The following ANKS1B variants were observed in gnomAD, a reference collection of about 807,000 sequenced individuals.
The protein encoded by ANKS1B is ankyrin repeat and sterile alpha motif domain containing 1B.
In ANKS1B, 36 loss-of-function variants were observed where a neutral mutation model predicts 148.3. The observed-to-expected ratio is 0.24, with a 90% CI of 0.19 to 0.32. The LOEUF is 0.32. Among genes scored for constraint, ANKS1B ranks in the 10% least tolerant of loss-of-function variants. ANKS1B has a pLI of 1.00. For synonymous variants in ANKS1B, 542 were observed against 560.8 expected, an observed-to-expected ratio of 0.97 and a Z score of 0.47; for missense variants, 1,157 against 1,542.6, an observed-to-expected ratio of 0.75 and a Z score of 4.19.
intron 17 of ANKS1B, chr12:98,894,902 C>G: frequency 1.0e-6 from 1 of 960,518 alleles, no homozygotes; most frequent in Non-Finnish European, 1.2e-6. Flanking sequence ...CCCACTGCCC[C>G]CGCCCCCCGC....
intron 6 of ANKS1B, 116 bp downstream of exon 6, chr12:99,779,755 A>G (rs1243441774): frequency 1.4e-6 from 1 of 732,984 alleles, no homozygotes; most frequent in Non-Finnish European, 2.3e-6. Context: ...GAAAAAAATA[A>G]AACTAGTAAG....
chr12:98,914,562 C>T (rs547655043), intron 17 of ANKS1B, among the ~76,000 whole-genome samples: 1 of 152,198 alleles, frequency 6.6e-6, no homozygotes. Flanking sequence ...TTCCTTATTC[C>T]TATCCCTACC....
chr12:99,795,858 T>C (rs1394556248), intron 4 of ANKS1B, among the ~76,000 whole-genome samples: 1 of 152,088 alleles, frequency 6.6e-6, no homozygotes, highest in Non-Finnish European at 1.5e-5. Context: ...GCACTATAGC[T>C]GTAACTTCTG....
Position 99,246,744 on chromosome 12 carries a change from T to C in ANKS1B, c.1877A>G (p.Tyr626Cys), listed in dbSNP as rs747220515. ...CESPENPFHL[Y>C]GKREQCEKGQ... Reference sequence around the variant, plus strand: ...TTTTTCACATTGTTCTCTTTTCCCATAGAGATGAAATGGATTTTCAGGGGA... The same window carrying C: ...TTTTTCACATTGTTCTCTTTTCCCACAGAGATGAAATGGATTTTCAGGGGA... The change falls in exon 13 of 27, where the codon TAT becomes TGT. Residue 626 changes from tyrosine (Y) to cysteine (C), a missense_variant. Coordinates refer to ENST00000683438, the MANE Select transcript of ANKS1B (RefSeq NM_001352186.2). The C allele has an allele frequency of 1.3e-5, 21 of 1,613,782 alleles. No homozygotes were observed. Among genetic ancestry groups the C allele is most frequent in the South Asian group, 1.1e-4 (10 of 91,078 alleles).
chr12:99,534,365 T>A (rs143009916), intron 9 of ANKS1B, among the ~76,000 whole-genome samples: 86 of 152,368 alleles, frequency 5.6e-4, no homozygotes, highest in African/African-American at 1.9e-3. Context: ...GTGATAATCA[T>A]GTCATTTGCC....
At chr12:99,778,166 C>G (rs1038005978) in intron 6 of ANKS1B, among the ~76,000 whole-genome samples, 8 of 151,572 alleles carry the variant, frequency 5.3e-5, no homozygotes, top group African/African-American at 1.9e-4. Context: ...CGCCACTGCA[C>G]TCCAGCCTGG....
intron 1 of ANKS1B, among the ~76,000 whole-genome samples, chr12:99,975,410 T>A (rs2095614003): frequency 6.6e-6 from 1 of 152,190 alleles, no homozygotes; most frequent in East Asian, 1.9e-4. Flanking sequence ...AGGCACTGGG[T>A]CCATGACGTT....
chr12:98,793,117 C>T (rs551804604), intron 22 of ANKS1B, among the ~76,000 whole-genome samples: 4 of 152,202 alleles, frequency 2.6e-5, no homozygotes, highest in African/African-American at 9.6e-5. Context: ...CACATTCTCA[C>T]CAACATTTGT....
chr12:99,173,904 G>T (rs545460773), intron 14 of ANKS1B, among the ~76,000 whole-genome samples: 1 of 151,982 alleles, frequency 6.6e-6, no homozygotes, highest in African/African-American at 2.4e-5. Flanking sequence ...TGGTGCTGTC[G>T]GTGGCTTCTG....
intron 8 of ANKS1B, among the ~76,000 whole-genome samples, chr12:99,725,061 T>C (rs2058483752): frequency 6.6e-6 from 1 of 152,032 alleles, no homozygotes; most frequent in Non-Finnish European, 1.5e-5. Flanking sequence ...CACATCAAAA[T>C]ATAAAGACCA....
intron 12 of ANKS1B, among the ~76,000 whole-genome samples, chr12:99,282,672 G>A (rs182301093): frequency 5.3e-5 from 8 of 152,060 alleles, no homozygotes; most frequent in African/African-American, 1.4e-4. Context: ...CTGATGTATC[G>A]GATGTGCCAT....
chr12:99,459,293 G>A (rs1321472743), intron 10 of ANKS1B, among the ~76,000 whole-genome samples: 1 of 152,026 alleles, frequency 6.6e-6, no homozygotes, highest in Non-Finnish European at 1.5e-5. Flanking sequence ...CAAACCCACA[G>A]CCGACATTAT....
intron 4 of ANKS1B, among the ~76,000 whole-genome samples, chr12:99,802,949 T>A (rs970169144): frequency 6.6e-6 from 1 of 151,142 alleles, no homozygotes; most frequent in African/African-American, 2.4e-5. Flanking sequence ...TAAAATCACA[T>A]GTAACTACTA....
Position 98,744,399 on chromosome 12 carries a change from C to T in ANKS1B, c.*1340G>A. The T allele has an allele frequency of 2.3e-6, 2 of 876,220 alleles. No homozygotes were observed. Among genetic ancestry groups the T allele is most frequent in the Non-Finnish European group, 2.7e-6 (2 of 730,010 alleles). The allele number at this position is 876,220 out of a possible 1,614,324, so 54.3% of individuals were successfully genotyped here. On this transcript the variant is annotated 3_prime_UTR_variant, in exon 27 of 27. Transcript: ENST00000683438. ...ATAAAAAAACATTAAGACAATTCCACAATTTATCAATATCGCTATAATGAA... is the reference window on the plus strand; with the variant it reads ...ATAAAAAAACATTAAGACAATTCCATAATTTATCAATATCGCTATAATGAA...
At chr12:99,154,610 G>A in intron 14 of ANKS1B, 1 of 1,461,318 alleles carries the variant, frequency 6.8e-7, no homozygotes, top group Non-Finnish European at 9.0e-7. Context: ...AGTATGACTT[G>A]ATCCTAGCTC....
intron 1 of ANKS1B, among the ~76,000 whole-genome samples, chr12:99,859,604 T>G (rs377279585): frequency 2.6e-5 from 4 of 152,266 alleles, no homozygotes; most frequent in African/African-American, 7.2e-5. Context: ...ATATTTAAAA[T>G]AATGAGCAAA....
chr12:99,732,011 T>C (rs925864821), intron 8 of ANKS1B, among the ~76,000 whole-genome samples: 3 of 152,212 alleles, frequency 2.0e-5, no homozygotes, highest in Non-Finnish European at 2.9e-5. Context: ...TTTGAACAGA[T>C]ACTTCATCAA....
intron 1 of ANKS1B, among the ~76,000 whole-genome samples, chr12:99,965,113 C>T (rs1456667007): frequency 6.6e-6 from 1 of 152,150 alleles, no homozygotes; most frequent in African/African-American, 2.4e-5. Flanking sequence ...ATGAGCATAA[C>T]AATACCCAAA....
intron 8 of ANKS1B, among the ~76,000 whole-genome samples, chr12:99,663,802 AG>A (rs2098490683): frequency 6.6e-6 from 1 of 152,192 alleles, no homozygotes; most frequent in Non-Finnish European, 1.5e-5. Flanking sequence ...CAAGAAAGTA[AG>A]GATAGTCTTT....
Sources: gnomAD v4.1 joint callset for allele counts (sites outside exome capture counted in the v4.1 genomes callset) on GRCh38, gnomAD v4.1.1 for gene constraint, MANE v1.5 for transcripts, NCBI Gene and HGNC (gene_info 2026-07-23, HGNC 2026-07-21) for gene names.